The following ATP11A variants were observed in gnomAD, a reference collection of about 807,000 sequenced individuals.
The protein encoded by ATP11A is phospholipid-transporting ATPase IH.
ATP11A carries 81 observed loss-of-function variants against 154.4 expected under a neutral mutation model. The ratio of observed to expected loss-of-function variants is 0.52; its 90% confidence interval spans 0.44 to 0.63. The LOEUF is 0.63. ATP11A is among the 30% of genes least tolerant of loss of function. ATP11A has a pLI of 0.00. For missense variants in ATP11A, 1,316 were observed against 1,474.3 expected (o/e 0.89, Z 1.76); for synonymous variants, 623 against 585.9 (o/e 1.06, Z -0.91).
chr13:112,821,576 A>T (rs954853049), intron 8 of ATP11A, among the ~76,000 whole-genome samples: 1 of 152,162 alleles, frequency 6.6e-6, no homozygotes, highest in Non-Finnish European at 1.5e-5. Flanking sequence ...CTCCTAGAGT[A>T]TTGGGATTAT....
rs146659294 is a variant in ATP11A, at chr13:112,734,127, C to T, written c.39+43672C>T. ...CACCAGGAGAGTGAGTGCTCCTGGG[C>T]TTCACTAACTGTGCTGCTTCCAGCT... On this transcript the variant is annotated intron_variant, in intron 1 of 29. Transcript: ENST00000375645. Among the ~76,000 whole-genome samples the T allele has an allele frequency of 7.2e-3, 1,094 of 152,252 alleles. 7 individuals carry two copies. Among genetic ancestry groups the T allele is most frequent in the Non-Finnish European group, 0.013 (863 of 68,024 alleles).
rs567203753 is a variant in ATP11A at position 112,771,395 on chromosome 13, G to A, written c.40-13740G>A. Among the ~76,000 whole-genome samples the A allele has an allele frequency of 9.2e-4, 140 of 152,364 alleles. 1 individual carries two copies. The highest frequency in any genetic ancestry group is 3.2e-3 in the African/African-American group (135 of 41,586). ...CTCCTGGGTTCTGGGACGGGCGCAG[G>A]TGACTGTATTTGCGCTGGTGGGAGG... On this transcript the variant is annotated intron_variant, in intron 1 of 29. Transcript: ENST00000375645.
In ATP11A at chr13:112,713,199, G is replaced by A. The variant is rs952646528; in HGVS notation, c.39+22744G>A. Among the ~76,000 whole-genome samples the A allele has an allele frequency of 5.9e-5, 9 of 152,030 alleles. No individual in the cohort carries two copies. In the East Asian group the frequency reaches 9.7e-4, roughly 16 times the overall value. ...ATCACAAGGTCAGGAGTTTGAGACC[G>A]GCCTGGCCAACATGGTGAAACCCCG... is the stretch of plus-strand genomic sequence containing the variant. On this transcript the variant is annotated intron_variant, in intron 1 of 29. Transcript: ENST00000375645.
intron 1 of ATP11A, among the ~76,000 whole-genome samples, chr13:112,738,503 A>G (rs747695387): frequency 5.3e-5 from 8 of 152,342 alleles, no homozygotes; most frequent in Middle Eastern, 3.4e-3. Context: ...AGGAAAAGCA[A>G]TGTGAGCTGG....
At chr13:112,743,535 C>G (rs1475400702) in intron 1 of ATP11A, among the ~76,000 whole-genome samples, 1 of 151,696 alleles carries the variant, frequency 6.6e-6, no homozygotes, top group African/African-American at 2.4e-5. Context: ...TAGGTTCCTG[C>G]TACAGTGTGA....
chr13:112,851,160 G>A lies in ATP11A; in HGVS notation c.1933G>A (p.Ala645Thr), dbSNP rs147112986. 1.6e-4 allele frequency: 258 copies of A among 1,614,212 alleles called. 1 individual carries two copies. The African/African-American group carries it at 3.0e-3, about 19-fold the overall frequency. ...AGATCGAGAGAAAAAGTTAGCAGAA[G>A]CCTATGAGCAAATAGAGAAAGATCT... Reference protein sequence around the residue: ...LQDREKKLAEAYEQIEKDLTL... With the variant: ...LQDREKKLAETYEQIEKDLTL... Residue 645 changes from alanine (A) to threonine (T), a missense_variant, in exon 18 of 30, where the codon GCC (alanine) becomes ACC (threonine). By Grantham distance (58) the Ala-to-Thr change is moderately conservative. Around this residue, in one of 5 missense-constraint regions of ATP11A, gnomAD observed 876 missense variants for 1,006.8 expected, o/e 0.87. Transcript: ENST00000375645.
At position 112,875,045 on chromosome 13, in the gene ATP11A, G is replaced by A. The variant is rs966845680; in HGVS notation, c.3162-731G>A. On this transcript the variant is annotated intron_variant, in intron 27 of 29. Coordinates refer to ENST00000375645, the MANE Select transcript of ATP11A (RefSeq NM_015205.3). This position sits in a 1 kb window ranked among gnomAD's most constrained non-coding sequence, Gnocchi z 4.1. The stretch of plus-strand genomic sequence containing the variant: ...GTGATGAGACCCCATCCTCCTGCCC[G>A]CCACCAGCACCACGTGGGTGCCCCC... Among the ~76,000 whole-genome samples, 3 of 152,204 alleles carry A rather than the reference G, an allele frequency of 2.0e-5. No homozygotes were observed. Among genetic ancestry groups the A allele is most frequent in the South Asian group, 4.2e-4 (2 of 4,818 alleles).
chr13:112,693,992 G>C (rs901527038), intron 1 of ATP11A, among the ~76,000 whole-genome samples: 4 of 152,162 alleles, frequency 2.6e-5, no homozygotes, highest in African/African-American at 9.7e-5. Flanking sequence ...GATGGAGAGC[G>C]AGTTCCATTT....
At chr13:112,812,833 G>C (rs2078539139) in intron 5 of ATP11A, among the ~76,000 whole-genome samples, 1 of 152,230 alleles carries the variant, frequency 6.6e-6, no homozygotes, top group South Asian at 2.1e-4. Context: ...AGATGGCCCT[G>C]GCCTGGGGAA....
intron 1 of ATP11A, among the ~76,000 whole-genome samples, chr13:112,777,518 C>G (rs1035248518): frequency 2.6e-5 from 4 of 152,172 alleles, no homozygotes; most frequent in African/African-American, 9.7e-5. Context: ...GTGCCGAGAT[C>G]ACGCCATTGC....
At chr13:112,836,891 T>G (rs1247124510) in intron 16 of ATP11A, among the ~76,000 whole-genome samples, 1 of 152,236 alleles carries the variant, frequency 6.6e-6, no homozygotes, top group Non-Finnish European at 1.5e-5. Context: ...CCCTGACGAT[T>G]GCCTCTGCAG....
At position 112,807,330 on chromosome 13, in the gene ATP11A, G is replaced by A. The variant is rs568682481; in HGVS notation, c.333+1037G>A. 7.2e-5 allele frequency among the ~76,000 whole-genome samples: 11 copies of A among 152,348 alleles called. No individual in the cohort carries two copies. The highest frequency in any genetic ancestry group is 1.9e-4 in the African/African-American group (8 of 41,570). On this transcript the variant is annotated intron_variant, in intron 4 of 29. Coordinates refer to ENST00000375645, the MANE Select transcript of ATP11A (RefSeq NM_015205.3). The surrounding 1 kb of genome is among the most constrained non-coding windows in gnomAD (Gnocchi z 4.5). ...TGTCTTCACTAGGCCAGAGCCGGCCGTGCCTACCGGGATACGTGAACTAGG... is the reference window on the plus strand; with the variant it reads ...TGTCTTCACTAGGCCAGAGCCGGCCATGCCTACCGGGATACGTGAACTAGG...
chr13:112,773,201 TCCTGCCCTGC>T (rs113451894), intron 1 of ATP11A, among the ~76,000 whole-genome samples: 12 of 151,528 alleles, frequency 7.9e-5, no homozygotes, highest in African/African-American at 2.2e-4. Context: ...CTGTGGCGCC[TCCTGCCCTGC>T]CCTGCCCTGC....
intron 9 of ATP11A, among the ~76,000 whole-genome samples, chr13:112,823,854 G>T (rs1234244199): frequency 6.6e-6 from 1 of 152,202 alleles, no homozygotes; most frequent in East Asian, 1.9e-4. Flanking sequence ...GTTCCAGGAT[G>T]CCTGCAGATG....
chr13:112,875,098 G>C lies in ATP11A; in HGVS notation c.3162-678G>C, dbSNP rs1765770. On this transcript the variant is annotated intron_variant, in intron 27 of 29. Transcript: ENST00000375645. The surrounding 1 kb of genome is among the most constrained non-coding windows in gnomAD (Gnocchi z 4.1). The stretch of plus-strand genomic sequence containing the variant: ...CCCCATCCCAGGTCTGCCAGCAGCT[G>C]CGTGTCCCTCCCGTTACCCACCATG... Among the ~76,000 whole-genome samples, 141,053 of 152,276 alleles carry C rather than the reference G, an allele frequency of 0.93. 65,928 individuals are homozygous for C. Among genetic ancestry groups the C allele is most frequent in the Non-Finnish European group, 0.99 (67,363 of 68,040 alleles).
chr13:112,715,081 T>C (rs908869669), intron 1 of ATP11A, among the ~76,000 whole-genome samples: 11 of 152,336 alleles, frequency 7.2e-5, no homozygotes, highest in African/African-American at 2.6e-4. Flanking sequence ...AGGGTCCCTG[T>C]GTTGTAGCCT....
At chr13:112,818,122 C>T (rs944565802) in intron 6 of ATP11A, among the ~76,000 whole-genome samples, 34 of 151,544 alleles carry the variant, frequency 2.2e-4, no homozygotes, top group Non-Finnish European at 5.9e-5. Flanking sequence ...GAACAGTGAC[C>T]GTTTGTGCGC....
At chr13:112,787,435 T>C (rs2077671777) in intron 2 of ATP11A, among the ~76,000 whole-genome samples, 1 of 127,842 alleles carries the variant, frequency 7.8e-6, no homozygotes, top group East Asian at 2.3e-4. Context: ...ACCTACTTAA[T>C]TCACACCGGG....
At position 112,831,462 on chromosome 13, in the gene ATP11A, G is replaced by A. The variant is rs749737603; in HGVS notation, c.1309G>A (p.Val437Met). ...GTGCTGCATCGAAGGCCATGTCTAC[G>A]TGCCCCACGTCATCTGCAACGGGCA... The part of the protein sequence containing the change: ...KECCIEGHVY[V>M]PHVICNGQVL... The change falls in exon 13 of 30, where the codon GTG becomes ATG. Residue 437 changes from valine to methionine, a missense_variant. Physicochemically the swap from Val to Met is conservative, Grantham distance 21. Coordinates refer to ENST00000375645, the MANE Select transcript of ATP11A (RefSeq NM_015205.3). The A allele has an allele frequency of 1.6e-4, 251 of 1,614,050 alleles. No individual in the cohort carries two copies. Among genetic ancestry groups the A allele is most frequent in the Non-Finnish European group, 2.0e-4 (241 of 1,180,036 alleles).
Sources: gnomAD v4.1 joint callset for allele counts (sites outside exome capture counted in the v4.1 genomes callset) on GRCh38, gnomAD v4.1.1 for gene constraint, gnomAD v4.1.1 regional missense constraint, Gnocchi (gnomAD v3.1) non-coding constraint, MANE v1.5 for transcripts, NCBI Gene and HGNC (gene_info 2026-07-23, HGNC 2026-07-21) for gene names.